The following HS3ST5 variants were observed in gnomAD, a reference collection of about 807,000 sequenced individuals.
HS3ST5 encodes heparan sulfate glucosamine 3-O-sulfotransferase 5.
Under a neutral mutation model 25.4 loss-of-function variants are expected in HS3ST5, and 10 were observed. The ratio of observed to expected loss-of-function variants is 0.39; its 90% confidence interval spans 0.24 to 0.67. The LOEUF (loss-of-function observed/expected upper bound fraction) is 0.67, where lower values mean the gene tolerates loss of function less well. HS3ST5 is among the 30% of genes least tolerant of loss of function. The pLI, the probability that HS3ST5 is intolerant of heterozygous loss-of-function variation, is 0.44. For missense variants in HS3ST5, 324 were observed against 420.7 expected, an observed-to-expected ratio of 0.77 and a Z score of 2.01; for synonymous variants, 170 against 162.4, an observed-to-expected ratio of 1.05 and a Z score of -0.36.
intron 2 of HS3ST5, among the ~76,000 whole-genome samples, chr6:114,221,884 C>T (rs541738513): frequency 8.9e-4 from 135 of 151,822 alleles, no homozygotes; most frequent in African/African-American, 2.4e-3. Context: ...TGTAAACTAT[C>T]GGGAAAAAGA....
chr6:114,319,512 C>A (rs1383784162), intron 1 of HS3ST5, among the ~76,000 whole-genome samples: 2 of 152,100 alleles, frequency 1.3e-5, no homozygotes, highest in Admixed American at 1.3e-4. Context: ...AATTTCTCAT[C>A]TTTTAATTCT....
intron 1 of HS3ST5, among the ~76,000 whole-genome samples, chr6:114,318,801 A>C (rs934367196): frequency 6.6e-6 from 1 of 152,198 alleles, no homozygotes; most frequent in Non-Finnish European, 1.5e-5. Flanking sequence ...GTTGTTATGA[A>C]GACTAACTAA....
chr6:114,102,650 G>A (rs1489368998), intron 3 of HS3ST5, among the ~76,000 whole-genome samples: 1 of 152,058 alleles, frequency 6.6e-6, no homozygotes, highest in East Asian at 1.9e-4. Flanking sequence ...TTTTTTGAAC[G>A]CTCAGTTTAT....
chr6:114,119,053 A>T (rs1776661793), intron 3 of HS3ST5, among the ~76,000 whole-genome samples: 2 of 152,216 alleles, frequency 1.3e-5, no homozygotes, highest in Non-Finnish European at 2.9e-5. Context: ...AAAGCATAAC[A>T]TGTACTGTCC....
At chr6:114,178,826 C>A (rs1186620005) in intron 2 of HS3ST5, 1 of 151,754 alleles carries the variant, frequency 6.6e-6, no homozygotes, top group Non-Finnish European at 1.5e-5. Flanking sequence ...GTGATAGCTT[C>A]TCTTCCTGGT....
intron 1 of HS3ST5, among the ~76,000 whole-genome samples, chr6:114,295,196 A>C (rs1774763491): frequency 6.6e-6 from 1 of 152,368 alleles, no homozygotes; most frequent in South Asian, 2.1e-4. Context: ...AAATATATTT[A>C]CAGAAAATAA....
At chr6:114,210,493 G>A (rs914711256) in intron 2 of HS3ST5, among the ~76,000 whole-genome samples, 25 of 152,132 alleles carry the variant, frequency 1.6e-4, no homozygotes, top group African/African-American at 5.8e-4. Context: ...GGATTAACAG[G>A]GGCTGCATTA....
intron 3 of HS3ST5, among the ~76,000 whole-genome samples, chr6:114,100,884 GAGA>G (rs1434646605): frequency 3.3e-5 from 5 of 152,202 alleles, no homozygotes; most frequent in Admixed American, 6.5e-5. Context: ...CAAGATGGAG[GAGA>G]AGATTTGTGT....
At chr6:114,199,237 A>G in intron 2 of HS3ST5, among the ~76,000 whole-genome samples, 1 of 152,228 alleles carries the variant, frequency 6.6e-6, no homozygotes, top group Admixed American at 6.5e-5. Context: ...ATAAGAAACT[A>G]CAAATTTGAC....
chr6:114,094,984 C>A (rs1775344704), intron 3 of HS3ST5, among the ~76,000 whole-genome samples: 1 of 152,182 alleles, frequency 6.6e-6, no homozygotes, highest in South Asian at 2.1e-4. Context: ...AGCACATCTC[C>A]TTCCCTTAGT....
At chr6:114,178,562 T>C (rs1049452599) in intron 2 of HS3ST5, 5 of 152,082 alleles carry the variant, frequency 3.3e-5, no homozygotes, top group African/African-American at 1.2e-4. Context: ...AGAAAACGAG[T>C]GTGCAACTGG....
intron 3 of HS3ST5, among the ~76,000 whole-genome samples, chr6:114,066,872 TAA>T (rs574422923): frequency 6.0e-4 from 92 of 152,066 alleles, no homozygotes; most frequent in African/African-American, 2.0e-3. Context: ...CTTCCTAATA[TAA>T]GTTATTTTGT....
intron 1 of HS3ST5, among the ~76,000 whole-genome samples, chr6:114,333,112 T>C (rs769613739): frequency 3.3e-5 from 5 of 152,148 alleles, no homozygotes; most frequent in Non-Finnish European, 7.3e-5. Context: ...CAAGGCTTAT[T>C]AGGAGGCTAC....
chr6:114,081,649 T>C (rs558433528), intron 3 of HS3ST5, among the ~76,000 whole-genome samples: 7 of 152,298 alleles, frequency 4.6e-5, no homozygotes, highest in Admixed American at 2.6e-4. Context: ...TTTCTGAGAA[T>C]GACAACAGTA....
At chr6:114,230,752 A>ATT (rs201315419) in intron 1 of HS3ST5, among the ~76,000 whole-genome samples, 5 of 149,324 alleles carry the variant, frequency 3.3e-5, no homozygotes, top group African/African-American at 1.2e-4. Context: ...ACACCCTGCT[A>ATT]TTTTTTTTTG....
chr6:114,059,347 T>C (rs937317597), intron 4 of HS3ST5: 2 of 152,202 alleles, frequency 1.3e-5, no homozygotes, highest in African/African-American at 4.8e-5. Context: ...CTTCCAGTTA[T>C]TCTAATAATT....
At chr6:114,222,951 T>G (rs1455243628) in intron 2 of HS3ST5, among the ~76,000 whole-genome samples, 1 of 151,822 alleles carries the variant, frequency 6.6e-6, no homozygotes, top group African/African-American at 2.4e-5. Flanking sequence ...ATCTTTACTT[T>G]CCTAAACAAG....
At chr6:114,088,567 C>G (rs571791744) in intron 3 of HS3ST5, among the ~76,000 whole-genome samples, 1 of 152,038 alleles carries the variant, frequency 6.6e-6, no homozygotes, top group African/African-American at 2.4e-5. Context: ...TCATCTATTA[C>G]GTTATAAGTA....
intron 3 of HS3ST5, among the ~76,000 whole-genome samples, chr6:114,158,944 T>C (rs1562219836): frequency 6.6e-6 from 1 of 152,354 alleles, no homozygotes; most frequent in East Asian, 1.9e-4. Flanking sequence ...CAAATCCAGA[T>C]GCAAATGCAA....
Sources: gnomAD v4.1 joint callset for allele counts (sites outside exome capture counted in the v4.1 genomes callset) on GRCh38, gnomAD v4.1.1 for gene constraint, MANE v1.5 for transcripts, NCBI Gene and HGNC (gene_info 2026-07-23, HGNC 2026-07-21) for gene names.